EPB41L2: variants seen among roughly 807,000 people sequenced by gnomAD.
The protein encoded by EPB41L2 is erythrocyte membrane protein band 4.1 like 2.
In EPB41L2, 43 loss-of-function variants were observed where a neutral mutation model predicts 113.0. The observed-to-expected ratio is 0.38, with a 90% CI of 0.30 to 0.49. The LOEUF (loss-of-function observed/expected upper bound fraction) is 0.49. Ranked by LOEUF, EPB41L2 falls within the 20% of genes least tolerant of loss-of-function variation. The probability of loss-of-function intolerance (pLI) is 0.95; values close to 1 mark genes in which losing one functional copy is unlikely to be tolerated. For synonymous variants in EPB41L2, 442 were observed against 436.7 expected, an observed-to-expected ratio of 1.01 and a Z score of -0.15; for missense variants, 1,147 against 1,223.4, an observed-to-expected ratio of 0.94 and a Z score of 0.93.
intron 1 of EPB41L2, among the ~76,000 whole-genome samples, chr6:131,023,942 T>C (rs554518434): frequency 4.3e-4 from 65 of 152,012 alleles, no homozygotes; most frequent in Non-Finnish European, 8.1e-4. Flanking sequence ...TCATTCAGGA[T>C]CTGTGTATTG....
At chr6:130,841,761 G>A (rs1775584366) in intron 19 of EPB41L2, among the ~76,000 whole-genome samples, 2 of 152,200 alleles carry the variant, frequency 1.3e-5, no homozygotes, top group Non-Finnish European at 2.9e-5. Context: ...TACAGCCTGG[G>A]TGAAGCATTA....
intron 9 of EPB41L2, 36 bp downstream of exon 9, chr6:130,894,931 G>A (rs771668546): frequency 2.2e-5 from 35 of 1,571,106 alleles, no homozygotes; most frequent in African/African-American, 5.4e-5. Flanking sequence ...TAAACAGGCC[G>A]ACTAACAACA....
At chr6:130,909,964 T>C (rs986934610) in intron 4 of EPB41L2, among the ~76,000 whole-genome samples, 4 of 152,200 alleles carry the variant, frequency 2.6e-5, no homozygotes, top group Non-Finnish European at 2.9e-5. Flanking sequence ...CAAAATAATT[T>C]ATAGATTCAA....
intron 1 of EPB41L2, among the ~76,000 whole-genome samples, chr6:131,026,359 A>G (rs1368208653): frequency 6.6e-6 from 1 of 152,216 alleles, no homozygotes; most frequent in Non-Finnish European, 1.5e-5. Context: ...CACAGTAGAC[A>G]AGATGATGTG....
In EPB41L2 at chr6:130,876,606, G is replaced by A. The variant is rs185196499; in HGVS notation, c.2043+1498C>T. On this transcript the variant is annotated intron_variant, in intron 14 of 19. Coordinates refer to ENST00000337057, the MANE Select transcript of EPB41L2 (RefSeq NM_001431.4). ...ACACACAGGAAAAAAGAAATCTTAT[G>A]GCTGTGGATAGAAACAAAAGGAAAG... The A allele has an allele frequency of 1.7e-3, 1,629 of 960,568 alleles. 44 individuals carry two copies. The South Asian group carries it at 0.025, about 15-fold the overall frequency. The allele number at this position is 960,568 out of a possible 1,614,324, so 59.5% of individuals were successfully genotyped here. A position where few individuals can be genotyped will look rare whatever the true frequency, so the allele number is the denominator to read the frequency against.
At chr6:130,842,416 A>G (rs1775801646) in intron 19 of EPB41L2, among the ~76,000 whole-genome samples, 1 of 152,224 alleles carries the variant, frequency 6.6e-6, no homozygotes, top group Non-Finnish European at 1.5e-5. Context: ...TTTGGCAGTT[A>G]TATGACACCT....
intron 11 of EPB41L2, among the ~76,000 whole-genome samples, chr6:130,888,242 T>C (rs930849415): frequency 5.9e-5 from 9 of 152,158 alleles, no homozygotes; most frequent in Admixed American, 2.6e-4. Context: ...ATCAAAGAGT[T>C]CACTGGCTGT....
intron 4 of EPB41L2, among the ~76,000 whole-genome samples, chr6:130,909,512 T>A (rs144764329): frequency 6.6e-6 from 1 of 152,216 alleles, no homozygotes; most frequent in East Asian, 1.9e-4. Context: ...TTACTCAGAC[T>A]GCTGTGCTGG....
At position 130,908,852 on chromosome 6, in the gene EPB41L2, A is replaced by T. The variant is rs777736957; in HGVS notation, c.822T>A (p.Asp274Glu). ...GTTGTCTCTTTATTTCTTTAGCAGG[A>T]TCTAACCAGTTCTGCATGAGGGAAA... is the stretch of plus-strand genomic sequence containing the variant. ...QESPEQKNWL[D>E]PAKEIKRQLR... is the part of the protein sequence containing the mutation. The change falls in exon 5 of 20, where the codon GAT becomes GAA. Residue 274 changes from aspartate to glutamate, a missense_variant. Asp to Glu is a conservative substitution (Grantham distance 45, BLOSUM62 2). Coordinates refer to ENST00000337057, the MANE Select transcript of EPB41L2 (RefSeq NM_001431.4). 28 of 1,604,502 alleles carry T rather than the reference A, an allele frequency of 1.7e-5. No individual in the cohort carries two copies. In the Admixed American group the frequency reaches 3.4e-4, roughly 19 times the overall value.
At chr6:130,915,478 C>A (rs1416348861) in intron 4 of EPB41L2, among the ~76,000 whole-genome samples, 1 of 152,152 alleles carries the variant, frequency 6.6e-6, no homozygotes, top group African/African-American at 2.4e-5. Flanking sequence ...ATCAGCAGAA[C>A]CTCTTTGTCA....
chr6:130,940,068 T>C (rs1810293684), intron 3 of EPB41L2, among the ~76,000 whole-genome samples: 1 of 152,130 alleles, frequency 6.6e-6, no homozygotes, highest in Non-Finnish European at 1.5e-5. Context: ...TGAAAAAGGA[T>C]AGGAGGTAGG....
intron 1 of EPB41L2, among the ~76,000 whole-genome samples, chr6:131,046,576 T>A (rs941438185): frequency 2.0e-5 from 3 of 152,212 alleles, no homozygotes; most frequent in African/African-American, 7.2e-5. Flanking sequence ...ATAACACACC[T>A]GCCATTTCAA....
intron 1 of EPB41L2, among the ~76,000 whole-genome samples, chr6:130,998,068 C>T (rs527550063): frequency 1.3e-5 from 2 of 152,240 alleles, no homozygotes; most frequent in East Asian, 3.9e-4. Flanking sequence ...CTATGTGTAT[C>T]ATTTCATTTA....
intron 14 of EPB41L2, among the ~76,000 whole-genome samples, chr6:130,877,744 T>C (rs1788020296): frequency 6.6e-6 from 1 of 152,104 alleles, no homozygotes; most frequent in South Asian, 2.1e-4. Context: ...TATTAATTAT[T>C]TATACTAAGT....
chr6:130,876,838 AC>A, intron 14 of EPB41L2: 1 of 1,059,554 alleles, frequency 9.4e-7, no homozygotes, highest in Non-Finnish European at 1.3e-6. Flanking sequence ...CTATAGCAAC[AC>A]AAACACAAAA....
chr6:130,995,927 A>C (rs1024382800), intron 1 of EPB41L2, among the ~76,000 whole-genome samples: 1 of 152,224 alleles, frequency 6.6e-6, no homozygotes, highest in African/African-American at 2.4e-5. Context: ...CCATATTGGA[A>C]CATATAAATT....
intron 3 of EPB41L2, among the ~76,000 whole-genome samples, chr6:130,942,589 T>C (rs1288137948): frequency 6.6e-6 from 1 of 152,188 alleles, no homozygotes; most frequent in African/African-American, 2.4e-5. Flanking sequence ...TTTTTTAAAT[T>C]TTACTGCCTA....
At chr6:130,844,702 A>G (rs567617520) in intron 19 of EPB41L2, among the ~76,000 whole-genome samples, 92 of 152,202 alleles carry the variant, frequency 6.0e-4, no homozygotes, top group African/African-American at 2.0e-3. Context: ...TTTATCCTCA[A>G]TTTGCATATT....
At chr6:131,015,743 T>C (rs1788042815) in intron 1 of EPB41L2, 1 of 152,244 alleles carries the variant, frequency 6.6e-6, no homozygotes, top group African/African-American at 2.4e-5. Context: ...ATATTTATTG[T>C]ACAGTTACTA....
Sources: allele counts gnomAD v4.1 joint callset (sites outside exome capture counted in the v4.1 genomes callset), GRCh38; gene constraint gnomAD v4.1.1; transcripts MANE v1.5; gene names NCBI Gene and HGNC (gene_info 2026-07-23, HGNC 2026-07-21).